Variants in RICTOR observed in about 807,000 individuals in gnomAD.
RICTOR encodes RPTOR independent companion of MTOR complex 2, also known as rapamycin-insensitive companion of mTOR.
In RICTOR, 49 loss-of-function variants were observed where a neutral mutation model predicts 214.9. The observed-to-expected ratio is 0.23, with a 90% CI of 0.18 to 0.29. The LOEUF (loss-of-function observed/expected upper bound fraction) is 0.29. Among genes scored for constraint, RICTOR ranks in the 10% least tolerant of loss-of-function variants. The pLI is 1.00. For synonymous variants in RICTOR, 717 were observed against 711.3 expected (o/e 1.01, Z -0.13); for missense variants, 1,625 against 2,047.0 (o/e 0.79, Z 3.98).
intron 31 of RICTOR, among the ~76,000 whole-genome samples, chr5:38,949,089 T>C (rs920485997): frequency 6.6e-6 from 1 of 151,994 alleles, no homozygotes; most frequent in Non-Finnish European, 1.5e-5. Flanking sequence ...CCACAAAAAT[T>C]ATAGGTACAA....
At chr5:38,944,343 C>T (rs1579857341) in intron 36 of RICTOR, 103 bp downstream of exon 36, 2 of 1,175,972 alleles carry the variant, frequency 1.7e-6, no homozygotes, top group East Asian at 4.7e-5. Flanking sequence ...TTTAGAACTA[C>T]TGATGTAAGT....
Position 38,953,568 on chromosome 5 carries a change from A to AG in RICTOR, c.2698-16_2698-15insC, listed in dbSNP as rs772457653. 1 of 892,900 alleles carries AG rather than the reference A, an allele frequency of 1.1e-6. No individual in the cohort carries two copies. The highest frequency in any genetic ancestry group is 2.8e-5 in the East Asian group (1 of 35,428). 55.3% of individuals were successfully genotyped at this position (892,900 alleles called of 1,614,324 possible). ...GTAATAATATTCTGGAGAAAGAAAAAAAAATACCATGAGTAATAATATATT... is the reference window on the plus strand; with the variant it reads ...GTAATAATATTCTGGAGAAAGAAAAAGAAAATACCATGAGTAATAATATATT... On this transcript the variant is annotated splice_polypyrimidine_tract_variant and intron_variant, in intron 27 of 37. Coordinates refer to ENST00000357387, the MANE Select transcript of RICTOR (RefSeq NM_152756.5).
intron 7 of RICTOR, among the ~76,000 whole-genome samples, chr5:38,990,358 C>T (rs1284147829): frequency 1.3e-5 from 2 of 151,404 alleles, no homozygotes; most frequent in African/African-American, 4.9e-5. Flanking sequence ...GGGGGAGGGA[C>T]AGCATTAGGA....
At chr5:39,031,904 T>C (rs1756304010) in intron 2 of RICTOR, among the ~76,000 whole-genome samples, 3 of 152,174 alleles carry the variant, frequency 2.0e-5, no homozygotes, top group Admixed American at 2.0e-4. Context: ...AGCAAAACTA[T>C]CTCCACTAGC....
intron 3 of RICTOR, among the ~76,000 whole-genome samples, chr5:39,004,105 A>G (rs1010498397): frequency 2.6e-5 from 4 of 152,186 alleles, no homozygotes; most frequent in African/African-American, 9.6e-5. Context: ...TATTTAGTCA[A>G]TATCAGTTTA....
chr5:38,990,545 C>CACGATATATACACGATATATAT (rs1554067814), intron 7 of RICTOR, among the ~76,000 whole-genome samples: 1 of 72,100 alleles, frequency 1.4e-5, no homozygotes, highest in African/African-American at 5.4e-5. Context: ...ACGATATATA[C>CACGATATATACACGATATATAT]ACGATATACA....
chr5:38,969,378 A>G (rs1232465350), intron 11 of RICTOR, among the ~76,000 whole-genome samples: 1 of 152,124 alleles, frequency 6.6e-6, no homozygotes, highest in Non-Finnish European at 1.5e-5. Flanking sequence ...ACACCTATAC[A>G]ATGTGTTTGT....
intron 2 of RICTOR, among the ~76,000 whole-genome samples, chr5:39,023,902 G>T (rs945920081): frequency 6.6e-6 from 1 of 152,170 alleles, no homozygotes; most frequent in East Asian, 1.9e-4. Context: ...TTTCATGACA[G>T]ATGAAATATT....
Position 38,950,019 on chromosome 5 carries a change from GATGGTT to G in RICTOR, c.3823_3828del (p.Asn1275_His1276del). 1 of 1,613,544 alleles carries G rather than the reference GATGGTT, an allele frequency of 6.2e-7. No individual in the cohort carries two copies. The highest frequency in any genetic ancestry group is 8.5e-7 in the Non-Finnish European group (1 of 1,179,622). On this transcript the variant is annotated inframe_deletion, in exon 31 of 38. Coordinates refer to ENST00000357387, the MANE Select transcript of RICTOR (RefSeq NM_152756.5). ...ACCGAATTTGATTTGGAGAGAGACA[GATGGTT>G]AGACTGTGGCGTCAAATAGTGGCTT...
At chr5:39,019,576 C>A (rs917376787) in intron 3 of RICTOR, among the ~76,000 whole-genome samples, 7 of 152,126 alleles carry the variant, frequency 4.6e-5, no homozygotes, top group Non-Finnish European at 1.0e-4. Context: ...TTTAAACATA[C>A]TGTTGAGAAA....
chr5:39,019,898 G>A (rs1235159862), intron 3 of RICTOR, among the ~76,000 whole-genome samples: 2 of 152,172 alleles, frequency 1.3e-5, no homozygotes, highest in African/African-American at 4.8e-5. Flanking sequence ...ATGCCATTAA[G>A]AACATTCCTG....
chr5:38,939,377 T>G lies in RICTOR; in HGVS notation c.*2927A>C, dbSNP rs563051184. 9 of 232,320 alleles carry G rather than the reference T, an allele frequency of 3.9e-5. No individual in the cohort carries two copies. The highest frequency in any genetic ancestry group is 2.0e-4 in the African/African-American group (9 of 45,444). The allele number at this position is 232,320 out of a possible 1,614,324, so 14.4% of individuals were successfully genotyped here. On this transcript the variant is annotated 3_prime_UTR_variant, in exon 38 of 38. Transcript: ENST00000357387. ...ATGTATATACTTCCAAAGAGCCTCT[T>G]TTAATGTCACTGTCATATAGAATGT...
intron 26 of RICTOR, 31 bp downstream of exon 26, chr5:38,955,564 C>T (rs200777065): frequency 1.3e-4 from 137 of 1,074,330 alleles, no homozygotes; most frequent in Non-Finnish European, 1.8e-4. Flanking sequence ...TTATGATGAA[C>T]TAGTTTTAAA....
In RICTOR at chr5:39,054,884, A is replaced by G. The variant is rs1405176462; in HGVS notation, c.97+19227T>C. 2.0e-5 allele frequency among the ~76,000 whole-genome samples: 3 copies of G among 152,242 alleles called. No homozygotes were observed. In the East Asian group the frequency reaches 5.8e-4, roughly 29 times the overall value. The stretch of plus-strand genomic sequence containing the variant: ...TAGGGTTATACACACATCACTTACA[A>G]GGAAATCTATTAATACAACTATCAT... On this transcript the variant is annotated intron_variant, in intron 2 of 37. Transcript: ENST00000357387.
In RICTOR at chr5:39,021,145, A is replaced by G; in HGVS notation, c.98-9T>C. The G allele has an allele frequency of 7.0e-7, 1 of 1,419,050 alleles. No individual in the cohort carries two copies. The highest frequency in any genetic ancestry group is 1.0e-6 in the Non-Finnish European group (1 of 1,002,170). 87.9% of individuals were successfully genotyped at this position (1,419,050 alleles called of 1,614,324 possible). ...TAAGTTATCAGAAGGTTCTAGAAGG[A>G]AAGACAAGACAATTTAACACAATTT... On this transcript the variant is annotated splice_polypyrimidine_tract_variant and intron_variant, in intron 2 of 37. Coordinates refer to ENST00000357387, the MANE Select transcript of RICTOR (RefSeq NM_152756.5).
rs752956118 is a variant in RICTOR at position 38,952,246 on chromosome 5, G to A, written c.3077C>T (p.Ser1026Leu). The change falls in exon 30 of 38, where the codon TCG (serine) becomes TTG (leucine). Residue 1026 changes from serine (S) to leucine (L), a missense_variant. By Grantham distance (145) the Ser-to-Leu change is moderately radical. Around this residue, in one of 5 missense-constraint regions of RICTOR, gnomAD observed 1,214 missense variants for 1,470.5 expected, o/e 0.83. Coordinates refer to ENST00000357387, the MANE Select transcript of RICTOR (RefSeq NM_152756.5). ...SSIPSTLSLNSESTSSRHNSE... is the reference protein window; with the variant it reads ...SSIPSTLSLNLESTSSRHNSE... ...ATTATGTCTAGAGCTGGTTGACTCCGAGTTCAAACTTAGAGTGCTTGGGAT... is the reference window on the plus strand; with the variant it reads ...ATTATGTCTAGAGCTGGTTGACTCCAAGTTCAAACTTAGAGTGCTTGGGAT... 81 of 1,612,626 alleles carry A rather than the reference G, an allele frequency of 5.0e-5. No homozygotes were observed. Among genetic ancestry groups the A allele is most frequent in the Non-Finnish European group, 2.5e-5 (29 of 1,178,946 alleles).
chr5:38,944,801 G>T, intron 35 of RICTOR, 112 bp downstream of exon 35: 1 of 1,074,060 alleles, frequency 9.3e-7, no homozygotes, highest in Non-Finnish European at 1.4e-6. Context: ...TAAAATGGAC[G>T]TATTACTGTT....
intron 3 of RICTOR, among the ~76,000 whole-genome samples, chr5:39,013,392 A>G (rs969036267): frequency 6.6e-6 from 1 of 152,146 alleles, no homozygotes; most frequent in Non-Finnish European, 1.5e-5. Flanking sequence ...ATAAATCTAC[A>G]TGACTTTCTT....
rs1210366664 is a variant in RICTOR at position 39,007,076 on chromosome 5, TA to T, written c.196-3455del. 4.6e-5 allele frequency among the ~76,000 whole-genome samples: 7 copies of T among 152,122 alleles called. No individual in the cohort carries two copies. In the East Asian group the frequency reaches 1.4e-3, roughly 29 times the overall value. ...TTCTATACCTCTAAAAAACCAACCATATACCTAAAATTAAAAGTGACAATGT... is the reference window on the plus strand; with the variant it reads ...TTCTATACCTCTAAAAAACCAACCATTACCTAAAATTAAAAGTGACAATGT... On this transcript the variant is annotated intron_variant, in intron 3 of 37. Transcript: ENST00000357387.
Sources: gnomAD v4.1 joint callset for allele counts (sites outside exome capture counted in the v4.1 genomes callset) on GRCh38, gnomAD v4.1.1 for gene constraint, gnomAD v4.1.1 regional missense constraint, MANE v1.5 for transcripts, NCBI Gene and HGNC (gene_info 2026-07-23, HGNC 2026-07-21) for gene names.